Variants in INSYN2B observed in about 807,000 individuals in gnomAD.
INSYN2B encodes the protein inhibitory synaptic factor family member 2B.
INSYN2B carries 16 observed loss-of-function variants against 41.2 expected under a neutral mutation model. The observed-to-expected ratio is 0.39, with a 90% CI of 0.26 to 0.59. The LOEUF is 0.59. Among genes scored for constraint, INSYN2B ranks in the 20% least tolerant of loss-of-function variants. The pLI is 0.57. For missense variants in INSYN2B, 608 were observed against 646.4 expected, an observed-to-expected ratio of 0.94 and a Z score of 0.64; for synonymous variants, 245 against 244.4, an observed-to-expected ratio of 1.00 and a Z score of -0.02.
intron 3 of INSYN2B, among the ~76,000 whole-genome samples, chr5:169,869,212 C>G (rs1338035897): frequency 6.6e-6 from 1 of 152,190 alleles, no homozygotes; most frequent in Non-Finnish European, 1.5e-5. Context: ...CACCCCTCCC[C>G]ACCATCTACA....
At chr5:169,975,413 A>T (rs1777679914) in intron 1 of INSYN2B, among the ~76,000 whole-genome samples, 1 of 152,104 alleles carries the variant, frequency 6.6e-6, no homozygotes, top group Non-Finnish European at 1.5e-5. Context: ...TCTTGCACTG[A>T]TCCCATGGGC....
chr5:169,891,058 G>A (rs1773252936), intron 1 of INSYN2B, among the ~76,000 whole-genome samples: 1 of 152,042 alleles, frequency 6.6e-6, no homozygotes, highest in South Asian at 2.1e-4. Context: ...ATGTCATCTG[G>A]CCCCTGTCTA....
At chr5:169,899,060 T>TA (rs1186494452) in intron 1 of INSYN2B, among the ~76,000 whole-genome samples, 2 of 152,142 alleles carry the variant, frequency 1.3e-5, no homozygotes, top group Non-Finnish European at 2.9e-5. Context: ...TCCTAATACA[T>TA]AAAGTGCAAG....
At chr5:169,937,173 A>T (rs770532554) in intron 1 of INSYN2B, among the ~76,000 whole-genome samples, 1 of 152,256 alleles carries the variant, frequency 6.6e-6, no homozygotes, top group Non-Finnish European at 1.5e-5. Context: ...ATAGTTGTCC[A>T]GAGCTGCTTT....
At chr5:169,912,965 A>G (rs1671077914) in intron 1 of INSYN2B, among the ~76,000 whole-genome samples, 1 of 152,154 alleles carries the variant, frequency 6.6e-6, no homozygotes, top group Non-Finnish European at 1.5e-5. Flanking sequence ...TTAATGGGTG[A>G]TAATTTTGTA....
At chr5:169,934,409 C>G (rs957183665) in intron 1 of INSYN2B, among the ~76,000 whole-genome samples, 1 of 152,190 alleles carries the variant, frequency 6.6e-6, no homozygotes, top group African/African-American at 2.4e-5. Flanking sequence ...TCCGCATGCC[C>G]GTGAATCACA....
chr5:169,915,059 C>A (rs1774801925), intron 1 of INSYN2B, among the ~76,000 whole-genome samples: 1 of 152,200 alleles, frequency 6.6e-6, no homozygotes, highest in Admixed American at 6.5e-5. Context: ...GCTGTCTTCA[C>A]CCCAGAGCCA....
At chr5:169,956,886 T>A (rs375858174) in intron 1 of INSYN2B, among the ~76,000 whole-genome samples, 1 of 152,144 alleles carries the variant, frequency 6.6e-6, no homozygotes, top group Non-Finnish European at 1.5e-5. Context: ...TGTAGGATGT[T>A]TCTGTATTGG....
At chr5:169,908,551 A>G (rs967864986) in intron 1 of INSYN2B, among the ~76,000 whole-genome samples, 10 of 152,182 alleles carry the variant, frequency 6.6e-5, no homozygotes, top group African/African-American at 2.4e-4. Context: ...ATAAATCCTT[A>G]AAGCATATGG....
chr5:169,892,173 G>A (rs1018089606), intron 1 of INSYN2B, among the ~76,000 whole-genome samples: 8 of 152,036 alleles, frequency 5.3e-5, no homozygotes, highest in African/African-American at 1.9e-4. Context: ...ACAATAAAGT[G>A]GAGTTGTTCT....
chr5:169,964,546 C>G (rs963775784), intron 1 of INSYN2B, among the ~76,000 whole-genome samples: 2 of 152,240 alleles, frequency 1.3e-5, no homozygotes, highest in African/African-American at 4.8e-5. Context: ...CCAGCATCTC[C>G]GCCTGGAGGG....
intron 1 of INSYN2B, among the ~76,000 whole-genome samples, chr5:169,968,144 T>G (rs1399317418): frequency 6.6e-6 from 1 of 152,168 alleles, no homozygotes. Context: ...CTGACAACAC[T>G]TTGTAATCTC....
intron 1 of INSYN2B, among the ~76,000 whole-genome samples, chr5:169,886,739 G>A (rs1772992057): frequency 6.6e-6 from 1 of 152,176 alleles, no homozygotes; most frequent in African/African-American, 2.4e-5. Flanking sequence ...GTACTGCAGA[G>A]CCTAGGTATT....
chr5:169,937,352 G>A (rs1463082470), intron 1 of INSYN2B, among the ~76,000 whole-genome samples: 2 of 152,076 alleles, frequency 1.3e-5, no homozygotes, highest in African/African-American at 4.8e-5. Context: ...TGGTTCCCTG[G>A]GTGTGCAACC....
Position 169,883,659 on chromosome 5 carries a change from C to T in INSYN2B, c.240G>A (p.Ser80=), listed in dbSNP as rs1033924671. 1.2e-5 allele frequency: 19 copies of T among 1,550,666 alleles called. No homozygotes were observed. The Admixed American group carries it at 2.4e-4, about 19-fold the overall frequency. ...ATRHHLPPTY[S]LSFPRSQKAG... Reference sequence around the variant, plus strand: ...CCTTCTGGGACCTGGGGAAGGAGAGCGAGTAGGTGGGGGGAAGATGGTGCC... The same window carrying T: ...CCTTCTGGGACCTGGGGAAGGAGAGTGAGTAGGTGGGGGGAAGATGGTGCC... Residue 80 remains serine (S), a synonymous_variant, in exon 2 of 4, where the codon TCG becomes TCA. Transcript: ENST00000377365.
At chr5:169,959,737 A>G (rs961392084) in intron 1 of INSYN2B, among the ~76,000 whole-genome samples, 2 of 152,250 alleles carry the variant, frequency 1.3e-5, no homozygotes, top group African/African-American at 4.8e-5. Flanking sequence ...AACAGGTGCC[A>G]TCCTAGTTAT....
rs145002054 is a variant in INSYN2B at position 169,883,602 on chromosome 5, A to T, written c.297T>A (p.Thr99=). 28,176 of 1,551,558 alleles carry T rather than the reference A, an allele frequency of 0.018. 324 individuals carry two copies. Among genetic ancestry groups the T allele is most frequent in the Middle Eastern group, 0.04 (239 of 5,990 alleles). ...GGAAATGCTTCCTGAGACTGGGGGA[A>T]GTTTGGATTGCAATGTTGCGAAAGC... ...AGGFRNIAIQ[T]SPSLRKHFPV... is the part of the protein sequence containing the mutation. Residue 99 remains threonine, a synonymous_variant, in exon 2 of 4, where the codon ACT becomes ACA. Coordinates refer to ENST00000377365, the MANE Select transcript of INSYN2B (RefSeq NM_001129891.3).
intron 1 of INSYN2B, among the ~76,000 whole-genome samples, chr5:169,932,780 A>G (rs1268851354): frequency 3.3e-5 from 5 of 152,132 alleles, no homozygotes; most frequent in Non-Finnish European, 5.9e-5. Flanking sequence ...ACAAACACTC[A>G]CCTATGCATA....
At chr5:169,953,348 AGAG>A (rs1484703456) in intron 1 of INSYN2B, among the ~76,000 whole-genome samples, 3 of 130,690 alleles carry the variant, frequency 2.3e-5, no homozygotes, top group African/African-American at 8.4e-5. Flanking sequence ...AAAAAAAAAA[AGAG>A]AGAGAGAGAG....
Sources: gnomAD v4.1 joint callset for allele counts (sites outside exome capture counted in the v4.1 genomes callset) on GRCh38, gnomAD v4.1.1 for gene constraint, MANE v1.5 for transcripts, NCBI Gene and HGNC (gene_info 2026-07-23, HGNC 2026-07-21) for gene names.